CCDC148: variants seen among roughly 807,000 people sequenced by gnomAD.
The protein encoded by CCDC148 is coiled-coil domain containing 148.
CCDC148 carries 89 observed loss-of-function variants against 85.7 expected under a neutral mutation model. The ratio of observed to expected loss-of-function variants is 1.04; its 90% CI spans 0.87 to 1.24. The LOEUF (loss-of-function observed/expected upper bound fraction) is 1.24, where lower values mean the gene tolerates loss of function less well. Among genes scored for constraint, CCDC148 ranks in the 50% most tolerant of loss-of-function variants. The probability of loss-of-function intolerance (pLI) is 0.00; values close to 1 mark genes in which losing one functional copy is unlikely to be tolerated. For missense variants in CCDC148, 692 were observed against 671.7 expected (o/e 1.03, Z -0.33); for synonymous variants, 230 against 213.9 (o/e 1.08, Z -0.66).
intron 10 of CCDC148, among the ~76,000 whole-genome samples, chr2:158,232,390 T>C (rs972993903): frequency 6.6e-6 from 1 of 152,154 alleles, no homozygotes; most frequent in African/African-American, 2.4e-5. Context: ...TTTTGTAATC[T>C]TTCAGATTTT....
chr2:158,300,160 T>C (rs559738712), intron 9 of CCDC148, among the ~76,000 whole-genome samples: 1 of 152,230 alleles, frequency 6.6e-6, no homozygotes, highest in South Asian at 2.1e-4. Flanking sequence ...CTGCACATCA[T>C]ATACTTGTTT....
intron 9 of CCDC148, among the ~76,000 whole-genome samples, chr2:158,304,885 C>T (rs1157728905): frequency 1.3e-5 from 2 of 152,140 alleles, no homozygotes; most frequent in Admixed American, 1.3e-4. Flanking sequence ...AAGAAGACTG[C>T]AGCTAAAATG....
chr2:158,420,112 A>G (rs1345113278), intron 1 of CCDC148: 2 of 152,178 alleles, frequency 1.3e-5, no homozygotes, highest in Non-Finnish European at 2.9e-5. Flanking sequence ...TAAAATGTGT[A>G]TTGGAGGTTT....
intron 2 of CCDC148, 80 bp downstream of exon 2, chr2:158,358,369 T>A (rs1014139505): frequency 8.7e-6 from 13 of 1,490,180 alleles, no homozygotes; most frequent in Non-Finnish European, 1.1e-5. Flanking sequence ...TGTCATTTAT[T>A]TTCACATTGA....
intron 9 of CCDC148, among the ~76,000 whole-genome samples, chr2:158,275,917 T>G (rs1401543493): frequency 6.6e-6 from 1 of 152,138 alleles, no homozygotes. Flanking sequence ...CCTGAACATC[T>G]ATTCACTTTA....
intron 8 of CCDC148, among the ~76,000 whole-genome samples, chr2:158,312,084 C>T (rs1692047884): frequency 6.6e-6 from 1 of 152,046 alleles, no homozygotes; most frequent in Non-Finnish European, 1.5e-5. Flanking sequence ...TATTTAACCC[C>T]CAGGAGTTGT....
At chr2:158,329,831 A>G (rs2105230389) in intron 7 of CCDC148, among the ~76,000 whole-genome samples, 1 of 152,266 alleles carries the variant, frequency 6.6e-6, no homozygotes, top group Admixed American at 6.5e-5. Flanking sequence ...GGTGTATAAG[A>G]ATGCTTGTGA....
intron 8 of CCDC148, among the ~76,000 whole-genome samples, chr2:158,311,364 G>A (rs11680761): frequency 6.6e-6 from 1 of 152,352 alleles, no homozygotes; most frequent in African/African-American, 2.4e-5. Context: ...CCATGCACTC[G>A]GCAGGCTGAG....
intron 1 of CCDC148, among the ~76,000 whole-genome samples, chr2:158,371,685 T>TAC (rs1018958225): frequency 3.7e-4 from 56 of 151,092 alleles, no homozygotes; most frequent in African/African-American, 1.3e-3. Flanking sequence ...TATATATATA[T>TAC]ACACACGTGC....
chr2:158,398,672 G>A (rs1490645302), intron 1 of CCDC148, among the ~76,000 whole-genome samples: 3 of 152,062 alleles, frequency 2.0e-5, no homozygotes, highest in Admixed American at 2.0e-4. Context: ...AGAGAAAGCA[G>A]GAAAGATCTA....
intron 9 of CCDC148, among the ~76,000 whole-genome samples, chr2:158,290,430 G>A (rs773960838): frequency 7.9e-5 from 12 of 152,124 alleles, no homozygotes; most frequent in Non-Finnish European, 1.6e-4. Context: ...GTCATCCTCT[G>A]CTCACTCCAG....
intron 9 of CCDC148, among the ~76,000 whole-genome samples, chr2:158,265,509 A>T (rs952911715): frequency 7.4e-6 from 1 of 135,452 alleles, no homozygotes; most frequent in Non-Finnish European, 1.7e-5. Flanking sequence ...TAGTATATAA[A>T]TTAAAGTATA....
intron 1 of CCDC148, among the ~76,000 whole-genome samples, chr2:158,362,487 T>C (rs888866014): frequency 2.6e-5 from 4 of 152,158 alleles, no homozygotes; most frequent in Admixed American, 1.3e-4. Flanking sequence ...CACAGTGCAA[T>C]CAAATTAGAA....
chr2:158,360,665 C>T (rs10168344), intron 1 of CCDC148, among the ~76,000 whole-genome samples: 61,340 of 151,754 alleles, frequency 0.4, 13,064 homozygotes, highest in South Asian at 0.61. Flanking sequence ...AAACCCCAGC[C>T]GAAGCTTACC....
intron 1 of CCDC148, among the ~76,000 whole-genome samples, chr2:158,435,163 G>A (rs1291256321): frequency 1.3e-5 from 2 of 152,064 alleles, no homozygotes; most frequent in Admixed American, 1.3e-4. Flanking sequence ...GCAACTCCAA[G>A]ACACATAATT....
At chr2:158,343,630 G>C (rs1171080843) in intron 3 of CCDC148, among the ~76,000 whole-genome samples, 1 of 152,176 alleles carries the variant, frequency 6.6e-6, no homozygotes, top group Admixed American at 6.5e-5. Flanking sequence ...GTAAGGCATA[G>C]AATCTTACTT....
intron 11 of CCDC148, among the ~76,000 whole-genome samples, chr2:158,219,799 T>C (rs983366479): frequency 2.6e-5 from 4 of 152,168 alleles, no homozygotes. Flanking sequence ...AACCATAGCT[T>C]CCACAGTAAG....
intron 9 of CCDC148, among the ~76,000 whole-genome samples, chr2:158,281,334 C>T (rs1690285464): frequency 6.6e-6 from 1 of 152,002 alleles, no homozygotes; most frequent in African/African-American, 2.4e-5. Context: ...TTAATGAATC[C>T]AGGAGCTGGT....
Position 158,183,840 on chromosome 2 carries a change from T to C in CCDC148, c.1371-4844A>G, listed in dbSNP as rs1445458065. Among the ~76,000 whole-genome samples, 6 of 152,156 alleles carry C rather than the reference T, an allele frequency of 3.9e-5. No homozygotes were observed. The East Asian group carries it at 1.2e-3, about 29-fold the overall frequency. ...GGCAGCATCACGGGGAACCTGTTTC[T>C]GCCTGTTGGGAAATTCATTTTTGGC... On this transcript the variant is annotated intron_variant, in intron 11 of 13. Transcript: ENST00000283233.
Sources: allele counts gnomAD v4.1 joint callset (sites outside exome capture counted in the v4.1 genomes callset), GRCh38; gene constraint gnomAD v4.1.1; transcripts MANE v1.5; gene names NCBI Gene and HGNC (gene_info 2026-07-23, HGNC 2026-07-21).